DSG1: variants seen among roughly 807,000 people sequenced by gnomAD.
DSG1 encodes the protein desmoglein-1.
DSG1 carries 39 observed loss-of-function variants against 97.5 expected under a neutral mutation model. The ratio of observed to expected loss-of-function variants is 0.40; its 90% CI spans 0.31 to 0.52. The LOEUF (loss-of-function observed/expected upper bound fraction) is 0.52. Ranked by LOEUF, DSG1 falls within the 20% of genes least tolerant of loss-of-function variation. The probability of loss-of-function intolerance (pLI) is 0.53; values close to 1 mark genes in which losing one functional copy is unlikely to be tolerated. For synonymous variants in DSG1, 475 were observed against 443.4 expected, an observed-to-expected ratio of 1.07 and a Z score of -0.90; for missense variants, 1,311 against 1,295.4, an observed-to-expected ratio of 1.01 and a Z score of -0.18.
In DSG1 at chr18:31,329,878, C is replaced by A. The variant is rs1478884056; in HGVS notation, c.373-14C>A. 1 of 1,612,250 alleles carries A rather than the reference C, an allele frequency of 6.2e-7. No individual in the cohort carries two copies. Among genetic ancestry groups the A allele is most frequent in the Non-Finnish European group, 8.5e-7 (1 of 1,178,754 alleles). The stretch of plus-strand genomic sequence containing the variant: ...TGTGTTTCACTGTATAATTATTTAT[C>A]TTTTCTCTCCCAGATCTACTGCCGA... On this transcript the variant is annotated splice_polypyrimidine_tract_variant and intron_variant, in intron 4 of 14. Transcript: ENST00000257192.
At position 31,328,358 on chromosome 18, in the gene DSG1, A is replaced by G. The variant is rs1265644129; in HGVS notation, c.372+14A>G. 2.1e-5 allele frequency: 33 copies of G among 1,607,346 alleles called. No homozygotes were observed. In the East Asian group the frequency reaches 2.2e-4, roughly 11 times the overall value. Reference sequence around the variant, plus strand: ...CCTTTCTTCATTGTAAGTGGACTTCATGTCAATATATATGTTCATGCTTAA... The same window carrying G: ...CCTTTCTTCATTGTAAGTGGACTTCGTGTCAATATATATGTTCATGCTTAA... On this transcript the variant is annotated intron_variant, in intron 4 of 14. Transcript: ENST00000257192.
At chr18:31,344,629 T>A (rs778601268) in intron 13 of DSG1, among the ~76,000 whole-genome samples, 3 of 151,744 alleles carry the variant, frequency 2.0e-5, no homozygotes, top group Non-Finnish European at 2.9e-5. Flanking sequence ...CATGGTGGAG[T>A]TTTTTCCAGC....
intron 1 of DSG1, among the ~76,000 whole-genome samples, chr18:31,323,976 C>CTTTTTTT (rs1203163479): frequency 2.8e-4 from 27 of 94,992 alleles, no homozygotes; most frequent in African/African-American, 4.4e-4. Context: ...TCTCTCCTTC[C>CTTTTTTT]TTTTTTTTTT....
At position 31,318,264 on chromosome 18, in the gene DSG1, A is replaced by T; in HGVS notation, c.-37A>T. 6.3e-7 allele frequency: 1 copy of T among 1,586,940 alleles called. No individual in the cohort carries two copies. Among genetic ancestry groups the T allele is most frequent in the Non-Finnish European group, 8.7e-7 (1 of 1,155,474 alleles). ...AAAAGAACAGAGAAGAACAAACAAAACTCCCTTGGTCTTGGATGTAAGAGA... is the reference window on the plus strand; with the variant it reads ...AAAAGAACAGAGAAGAACAAACAAATCTCCCTTGGTCTTGGATGTAAGAGA... On this transcript the variant is annotated 5_prime_UTR_variant, in exon 1 of 15. Coordinates refer to ENST00000257192, the MANE Select transcript of DSG1 (RefSeq NM_001942.4).
At chr18:31,328,607 C>T (rs2144089949) in intron 4 of DSG1, among the ~76,000 whole-genome samples, 1 of 152,196 alleles carries the variant, frequency 6.6e-6, no homozygotes, top group South Asian at 2.1e-4. Flanking sequence ...GGACAATTAC[C>T]TAACTTTTTA....
chr18:31,327,407 T>C (rs2144088426), intron 3 of DSG1, among the ~76,000 whole-genome samples: 1 of 152,238 alleles, frequency 6.6e-6, no homozygotes, highest in Non-Finnish European at 1.5e-5. Context: ...CAAGGTGCCC[T>C]CTCTCATACC....
In DSG1 at chr18:31,352,665, A is replaced by G. The variant is rs1379607800; in HGVS notation, c.2101-1632A>G. Among the ~76,000 whole-genome samples the G allele has an allele frequency of 2.8e-4, 41 of 147,670 alleles. 1 individual carries two copies. In the South Asian group the frequency reaches 8.6e-3, roughly 31 times the overall value. ...CCCATATTTCTTGGAGGCTTTGCTC[A>G]TTTCTTTTTATTCTTTTTTCTCTAA... is the stretch of plus-strand genomic sequence containing the variant. On this transcript the variant is annotated intron_variant, in intron 14 of 14. Transcript: ENST00000257192.
At chr18:31,353,933 G>T (rs2071927377) in intron 14 of DSG1, 1 of 283,082 alleles carries the variant, frequency 3.5e-6, no homozygotes, top group African/African-American at 2.3e-5. Context: ...CCCGTCTTCT[G>T]CGTCGCTCAC....
chr18:31,336,520 C>T lies in DSG1; in HGVS notation c.1172C>T (p.Thr391Ile), dbSNP rs1396391493. The change falls in exon 9 of 15, where the codon ACA (threonine) becomes ATA (isoleucine). Residue 391 changes from threonine (T) to isoleucine (I), a missense_variant. By Grantham distance (89) the Thr-to-Ile change is moderately conservative. This residue lies in a region of DSG1 where 1,038 missense variants were observed against 964.6 expected (regional missense o/e 1.08). Transcript: ENST00000257192. ...CCAGTGTTTCGTCCAGGTTCAAAGACATATGTTGTAACTGGTAATATGGGA... is the reference window on the plus strand; with the variant it reads ...CCAGTGTTTCGTCCAGGTTCAAAGATATATGTTGTAACTGGTAATATGGGA... ...EGPVFRPGSK[T>I]YVVTGNMGSN... The T allele has an allele frequency of 6.2e-7, 1 of 1,614,010 alleles. No individual in the cohort carries two copies. Among genetic ancestry groups the T allele is most frequent in the Non-Finnish European group, 8.5e-7 (1 of 1,179,922 alleles).
rs1369893821 is a variant in DSG1, at chr18:31,330,048, A to G, written c.517+12A>G. The G allele has an allele frequency of 1.2e-6, 2 of 1,612,540 alleles. No individual in the cohort carries two copies. Among genetic ancestry groups the G allele is most frequent in the East Asian group, 4.5e-5 (2 of 44,838 alleles). On this transcript the variant is annotated intron_variant, in intron 5 of 14. Transcript: ENST00000257192. ...AAATTCTAATGCAAGTAAGTAATGT[A>G]GTGGCTTCCAAATCACTCCTAACAG...
chr18:31,323,970 T>G (rs1166647797), intron 1 of DSG1, among the ~76,000 whole-genome samples: 1 of 139,906 alleles, frequency 7.1e-6, no homozygotes, highest in Non-Finnish European at 1.5e-5. Flanking sequence ...ACTCCTTCTC[T>G]CCTTCCTTTT....
intron 4 of DSG1, among the ~76,000 whole-genome samples, chr18:31,329,141 T>A (rs925334445): frequency 6.6e-5 from 10 of 152,294 alleles, no homozygotes; most frequent in African/African-American, 2.4e-4. Context: ...GACATTTCCA[T>A]GGTCCTATAA....
chr18:31,339,824 C>T lies in DSG1; in HGVS notation c.1486C>T (p.Pro496Ser), dbSNP rs2071777236. Reference protein sequence around the residue: ...FGNDDRTNTEPNTKITTNTGR... With the variant: ...FGNDDRTNTESNTKITTNTGR... ...TAATGACGACAGGACTAATACAGAG[C>T]CGAACACTAAAATTACTACCAATAC... The change falls in exon 11 of 15, where the codon CCG becomes TCG. Residue 496 changes from proline (P) to serine (S), a missense_variant. Around this residue, in one of 3 missense-constraint regions of DSG1, gnomAD observed 1,038 missense variants for 964.6 expected, o/e 1.08. Transcript: ENST00000257192. 6.2e-7 allele frequency: 1 copy of T among 1,613,438 alleles called. No individual in the cohort carries two copies. The highest frequency in any genetic ancestry group is 8.5e-7 in the Non-Finnish European group (1 of 1,179,582).
At chr18:31,330,166 C>G in intron 5 of DSG1, 130 bp downstream of exon 5, 1 of 1,180,640 alleles carries the variant, frequency 8.5e-7, no homozygotes, top group South Asian at 1.3e-5. Context: ...GCAAGTCTTT[C>G]CTTTCAACTA....
In DSG1 at chr18:31,357,317, C is replaced by G. The variant is rs1442374490; in HGVS notation, c.*1971C>G. ...CATTCAAAGGGAGTCTTTTCTTTTT[C>G]TGACACTTAGGGGGCCACATTAAGG... On this transcript the variant is annotated 3_prime_UTR_variant, in exon 15 of 15. Coordinates refer to ENST00000257192, the MANE Select transcript of DSG1 (RefSeq NM_001942.4). Among the ~76,000 whole-genome samples the G allele has an allele frequency of 6.6e-6, 1 of 151,956 alleles. No homozygotes were observed. Among genetic ancestry groups the G allele is most frequent in the Non-Finnish European group, 1.5e-5 (1 of 67,922 alleles).
chr18:31,330,297 T>C (rs573218940), intron 5 of DSG1, among the ~76,000 whole-genome samples: 2 of 152,026 alleles, frequency 1.3e-5, no homozygotes, highest in African/African-American at 4.8e-5. Context: ...TTAAAGGCAT[T>C]TTGCACAATG....
rs2071762391 is a variant in DSG1, at chr18:31,337,345, C to T, written c.1265+732C>T. Among the ~76,000 whole-genome samples the T allele has an allele frequency of 2.0e-5, 3 of 152,278 alleles. No homozygotes were observed. In the South Asian group the frequency reaches 6.2e-4, roughly 32 times the overall value. On this transcript the variant is annotated intron_variant, in intron 9 of 14. Transcript: ENST00000257192. The stretch of plus-strand genomic sequence containing the variant: ...GATCCCGGTTCACTGCCACCTCTGC[C>T]TCCCGGGTTCACGCGATTCTCCTCC...
At chr18:31,319,568 G>T (rs2071640946) in intron 1 of DSG1, among the ~76,000 whole-genome samples, 1 of 151,972 alleles carries the variant, frequency 6.6e-6, no homozygotes, top group Admixed American at 6.6e-5. Flanking sequence ...CTTAGGATTT[G>T]GTAGGGATCA....
Position 31,344,062 on chromosome 18 carries a change from T to C in DSG1, c.1891+67T>C, listed in dbSNP as rs146479933. 1.0e-5 allele frequency: 12 copies of C among 1,151,958 alleles called. No homozygotes were observed. The African/African-American group carries it at 1.7e-4, about 16-fold the overall frequency. The allele number at this position is 1,151,958 out of a possible 1,614,324, so 71.4% of individuals were successfully genotyped here. On this transcript the variant is annotated intron_variant, in intron 13 of 14. Transcript: ENST00000257192. ...AGGAAGTCTATTTTCTCTCTTTGAT[T>C]ATTGTTTTTTAATTATCTTATTTTT...
Sources: gnomAD v4.1 joint callset for allele counts (sites outside exome capture counted in the v4.1 genomes callset) on GRCh38, gnomAD v4.1.1 for gene constraint, gnomAD v4.1.1 regional missense constraint, MANE v1.5 for transcripts, NCBI Gene and HGNC (gene_info 2026-07-23, HGNC 2026-07-21) for gene names.